MED13L: variants seen among roughly 807,000 people sequenced by gnomAD.
MED13L encodes mediator complex subunit 13L.
Under a neutral mutation model 220.9 loss-of-function variants are expected in MED13L, and 7 were observed. The observed-to-expected ratio is 0.03, with a 90% CI of 0.02 to 0.06. The LOEUF (loss-of-function observed/expected upper bound fraction) is 0.06. Among genes scored for constraint, MED13L ranks in the 10% least tolerant of loss-of-function variants. MED13L has a pLI of 1.00. For missense variants in MED13L, 1,965 were observed against 2,760.5 expected, an observed-to-expected ratio of 0.71 and a Z score of 6.46; for synonymous variants, 1,011 against 1,015.2, an observed-to-expected ratio of 1.00 and a Z score of 0.08.
intron 2 of MED13L, among the ~76,000 whole-genome samples, chr12:116,226,409 C>A (rs1270729681): frequency 6.6e-6 from 1 of 152,100 alleles, no homozygotes; most frequent in Non-Finnish European, 1.5e-5. Context: ...TGTACTTGTG[C>A]AAAATTGTTC....
chr12:116,087,499 C>T (rs979684141), intron 4 of MED13L, among the ~76,000 whole-genome samples: 1 of 152,144 alleles, frequency 6.6e-6, no homozygotes, highest in African/African-American at 2.4e-5. Flanking sequence ...CAATGCTTTC[C>T]CCCTGCTGCC....
chr12:116,248,571 T>C (rs1005261359), intron 1 of MED13L, among the ~76,000 whole-genome samples: 81 of 152,360 alleles, frequency 5.3e-4, no homozygotes, highest in African/African-American at 1.8e-3. Flanking sequence ...TCATTTCTAT[T>C]TCAGTCAACT....
At chr12:116,057,450 A>C in intron 4 of MED13L, among the ~76,000 whole-genome samples, 1 of 151,918 alleles carries the variant, frequency 6.6e-6, no homozygotes, top group East Asian at 1.9e-4. Context: ...TTCAGTATCC[A>C]TATGATATCC....
At chr12:116,242,547 C>T (rs187347379) in intron 1 of MED13L, among the ~76,000 whole-genome samples, 130 of 152,110 alleles carry the variant, frequency 8.5e-4, no homozygotes, top group African/African-American at 2.8e-3. Flanking sequence ...AGAACCAAAA[C>T]GATGAAATTA....
At position 116,015,208 on chromosome 12, in the gene MED13L, A is replaced by G. The variant is rs753631230; in HGVS notation, c.1076T>C (p.Met359Thr). Residue 359 changes from methionine (M) to threonine (T), a missense_variant, in exon 8 of 31, where the codon ATG (methionine) becomes ACG (threonine). By Grantham distance (81) the Met-to-Thr change is moderately conservative. Transcript: ENST00000281928. The stretch of plus-strand genomic sequence containing the variant: ...CTTCCCCGATCTCTTTGGACTGTGC[A>G]TCGTTATCATCCCTCCATCTTGGGA... ...LVSQDGGMIT[M>T]HSPKRSGKIP... The G allele has an allele frequency of 1.1e-5, 18 of 1,613,796 alleles. No homozygotes were observed. The highest frequency in any genetic ancestry group is 1.7e-5 in the Admixed American group (1 of 59,970).
At chr12:116,102,160 A>T (rs1169396007) in intron 3 of MED13L, among the ~76,000 whole-genome samples, 1 of 152,228 alleles carries the variant, frequency 6.6e-6, no homozygotes, top group Non-Finnish European at 1.5e-5. Context: ...GTATGTGTGT[A>T]CCTAATGTTT....
chr12:116,099,589 CAG>C (rs569273700), intron 3 of MED13L, among the ~76,000 whole-genome samples: 4 of 152,238 alleles, frequency 2.6e-5, no homozygotes, highest in African/African-American at 9.6e-5. Flanking sequence ...TCCAAGGCTA[CAG>C]AGAGTATAAT....
intron 2 of MED13L, among the ~76,000 whole-genome samples, chr12:116,149,497 A>G (rs1400482234): frequency 6.6e-6 from 1 of 152,260 alleles, no homozygotes; most frequent in Admixed American, 6.5e-5. Flanking sequence ...TTTGACAAAG[A>G]AGGCTGGCTC....
intron 4 of MED13L, among the ~76,000 whole-genome samples, chr12:116,031,182 T>G (rs889556261): frequency 6.6e-6 from 1 of 152,148 alleles, no homozygotes; most frequent in African/African-American, 2.4e-5. Context: ...GAAGAATCCC[T>G]TTTAAAAAAT....
At chr12:116,098,406 T>G (rs1872792946) in intron 3 of MED13L, among the ~76,000 whole-genome samples, 1 of 152,224 alleles carries the variant, frequency 6.6e-6, no homozygotes, top group Non-Finnish European at 1.5e-5. Flanking sequence ...GAACACTGAA[T>G]GTAATTCTTC....
At chr12:116,079,699 T>C (rs559338129) in intron 4 of MED13L, among the ~76,000 whole-genome samples, 1 of 152,212 alleles carries the variant, frequency 6.6e-6, no homozygotes, top group East Asian at 1.9e-4. Flanking sequence ...CCACCACAGC[T>C]AATATTGGTA....
At chr12:116,067,137 G>A (rs1158460039) in intron 4 of MED13L, among the ~76,000 whole-genome samples, 1 of 151,964 alleles carries the variant, frequency 6.6e-6, no homozygotes, top group Non-Finnish European at 1.5e-5. Context: ...ATAAGATAGA[G>A]AATTATAAAC....
chr12:116,088,373 A>G (rs1871894442), intron 4 of MED13L, among the ~76,000 whole-genome samples: 1 of 152,202 alleles, frequency 6.6e-6, no homozygotes, highest in South Asian at 2.1e-4. Context: ...CACTATGTGC[A>G]TGGTGCAGGC....
Position 115,970,734 on chromosome 12 carries a change from G to A in MED13L, c.5927C>T (p.Thr1976Ile). The change falls in exon 27 of 31, where the codon ACT becomes ATT. Residue 1976 changes from threonine to isoleucine, a missense_variant. Thr to Ile is a moderately conservative substitution (Grantham distance 89). This residue lies in a region of MED13L where 145 missense variants were observed against 328.3 expected (regional missense o/e 0.44). Transcript: ENST00000281928. ...CTGAGATGACTGCATGTTCAGTGCA[G>A]TACTTCGGCCAAAAACAGAGCCCAT... The part of the protein sequence containing the change: ...VTMGSVFGRS[T>I]ALNMQSSQLN... 2 of 1,614,036 alleles carry A rather than the reference G, an allele frequency of 1.2e-6. No homozygotes were observed. The highest frequency in any genetic ancestry group is 8.5e-7 in the Non-Finnish European group (1 of 1,179,934).
intron 1 of MED13L, among the ~76,000 whole-genome samples, chr12:116,248,719 G>T (rs1871271758): frequency 6.6e-6 from 1 of 152,236 alleles, no homozygotes; most frequent in African/African-American, 2.4e-5. Flanking sequence ...AGTTGCAAGT[G>T]GGGCCACATG....
At chr12:116,183,803 G>GGTGTGGGTGT (rs1555220607) in intron 2 of MED13L, among the ~76,000 whole-genome samples, 2 of 110,092 alleles carry the variant, frequency 1.8e-5, no homozygotes, top group Non-Finnish European at 3.7e-5. Context: ...TAGAAAAAAT[G>GGTGTGGGTGT]GTGTGTGTGT....
chr12:116,121,762 C>T (rs968445829), intron 2 of MED13L, among the ~76,000 whole-genome samples: 4 of 152,306 alleles, frequency 2.6e-5, no homozygotes, highest in Admixed American at 1.3e-4. Flanking sequence ...CTCCCACCTA[C>T]TGCTTTTTTA....
chr12:116,262,561 A>G (rs1295689505), intron 1 of MED13L, among the ~76,000 whole-genome samples: 2 of 152,202 alleles, frequency 1.3e-5, no homozygotes, highest in African/African-American at 4.8e-5. Flanking sequence ...TACCTTAGTG[A>G]GTCCCACTTG....
intron 20 of MED13L, among the ~76,000 whole-genome samples, chr12:115,983,840 T>C (rs113068523): frequency 5.3e-4 from 80 of 152,294 alleles, no homozygotes; most frequent in Non-Finnish European, 7.6e-4. Flanking sequence ...AAGCTATATA[T>C]TCCACAGTCA....
Sources: allele counts gnomAD v4.1 joint callset (sites outside exome capture counted in the v4.1 genomes callset), GRCh38; gene constraint gnomAD v4.1.1; regional missense constraint gnomAD v4.1.1; transcripts MANE v1.5; gene names NCBI Gene and HGNC (gene_info 2026-07-23, HGNC 2026-07-21).